Variants in EHD1 observed in about 807,000 individuals in gnomAD.
EHD1 encodes EH domain-containing protein 1.
In EHD1, 19 loss-of-function variants were observed where a neutral mutation model predicts 39.0. The observed-to-expected ratio is 0.49, with a 90% confidence interval of 0.34 to 0.72. The LOEUF (loss-of-function observed/expected upper bound fraction) is 0.72, where lower values mean the gene tolerates loss of function less well. EHD1 is among the 30% of genes least tolerant of loss of function. The pLI, the probability that EHD1 is intolerant of heterozygous loss-of-function variation, is 0.01. For missense variants in EHD1, 542 were observed against 751.5 expected (o/e 0.72, Z 3.26); for synonymous variants, 323 against 331.2 (o/e 0.98, Z 0.27).
intron 1 of EHD1, among the ~76,000 whole-genome samples, chr11:64,876,228 C>T (rs375477835): frequency 2.0e-5 from 3 of 152,180 alleles, no homozygotes; most frequent in Non-Finnish European, 2.9e-5. Flanking sequence ...GGGAGAAGGC[C>T]GGCAAGTCAA....
At position 64,854,764 on chromosome 11, in the gene EHD1, G is replaced by C; in HGVS notation, c.1174C>G (p.Arg392Gly). ...VDDMLANDIA[R>G]LMVMVRQEES... ...TCCTGCCGCACCATCACCATCAGCC[G>C]CGCGATGTCGTTGGCCAGCATGTCA... Residue 392 changes from arginine to glycine, a missense_variant, in exon 5 of 5, where the codon CGG becomes GGG. Coordinates refer to ENST00000320631, the MANE Select transcript of EHD1 (RefSeq NM_006795.4). 6.2e-7 allele frequency: 1 copy of C among 1,609,338 alleles called. No homozygotes were observed. The highest frequency in any genetic ancestry group is 8.5e-7 in the Non-Finnish European group (1 of 1,179,996).
intron 2 of EHD1, among the ~76,000 whole-genome samples, chr11:64,867,264 CA>C (rs1943777871): frequency 6.6e-6 from 1 of 151,466 alleles, no homozygotes; most frequent in Non-Finnish European, 1.5e-5. Flanking sequence ...ACTAAAAATA[CA>C]AAAATTAGCC....
intron 2 of EHD1, among the ~76,000 whole-genome samples, chr11:64,870,315 G>A (rs888302056): frequency 7.2e-5 from 11 of 152,172 alleles, no homozygotes; most frequent in African/African-American, 2.4e-4. Context: ...TCTCAGCTCC[G>A]CCGCAGTAGG....
Position 64,854,591 on chromosome 11 carries a change from G to A in EHD1, c.1347C>T (p.Asp449=), listed in dbSNP as rs1008067847. 34 of 1,613,990 alleles carry A rather than the reference G, an allele frequency of 2.1e-5. No individual in the cohort carries two copies. The highest frequency in any genetic ancestry group is 1.9e-4 in the South Asian group (17 of 91,090). ...WVVGKDKPTY[D]EIFYTLSPVN... ...CAGGGGACAGCGTGTAGAAGATCTC[G>A]TCGTAGGTGGGCTTGTCCTTGCCCA... Residue 449 remains aspartate, a synonymous_variant, in exon 5 of 5, where the codon GAC becomes GAT. Transcript: ENST00000320631.
chr11:64,855,080 C>A, intron 4 of EHD1: 2 of 828,030 alleles, frequency 2.4e-6, no homozygotes, highest in South Asian at 1.8e-5. Context: ...GGACAGGGCA[C>A]CAGAGCGCCT....
rs530795705 is a variant in EHD1 at position 64,868,853 on chromosome 11, G to A, written c.502+5568C>T. Among the ~76,000 whole-genome samples the A allele has an allele frequency of 6.6e-6, 1 of 152,274 alleles. No individual in the cohort carries two copies. The highest frequency in any genetic ancestry group is 1.9e-4 in the East Asian group (1 of 5,180). On this transcript the variant is annotated intron_variant, in intron 2 of 4. Coordinates refer to ENST00000320631, the MANE Select transcript of EHD1 (RefSeq NM_006795.4). The surrounding 1 kb of genome is among the most constrained non-coding windows in gnomAD (Gnocchi z 4.2). ...GGGGGCAGAGGAACTCTGGAATCAG[G>A]CCCACATTTCCATCCTGAACCTTCT...
chr11:64,877,436 A>C (rs1417388781), intron 1 of EHD1, among the ~76,000 whole-genome samples: 5 of 151,670 alleles, frequency 3.3e-5, no homozygotes, highest in South Asian at 2.1e-4. Flanking sequence ...GCTTCCTGAA[A>C]CCCCTCAGGG....
chr11:64,858,001 T>C (rs979789814), intron 3 of EHD1, among the ~76,000 whole-genome samples: 2 of 149,638 alleles, frequency 1.3e-5, no homozygotes, highest in Non-Finnish European at 3.0e-5. Context: ...CTGGCTGGCC[T>C]GGAGATAGGA....
At chr11:64,861,835 A>T (rs1224586882) in intron 2 of EHD1, among the ~76,000 whole-genome samples, 1 of 152,214 alleles carries the variant, frequency 6.6e-6, no homozygotes, top group African/African-American at 2.4e-5. Context: ...CTGGGTCTTA[A>T]ACACTTCTCC....
At chr11:64,870,533 C>T (rs1592752389) in intron 2 of EHD1, among the ~76,000 whole-genome samples, 1 of 152,254 alleles carries the variant, frequency 6.6e-6, no homozygotes, top group Non-Finnish European at 1.5e-5. Context: ...CTGGCCAGGT[C>T]TCTGATCTGC....
At chr11:64,876,776 T>C (rs889146798) in intron 1 of EHD1, among the ~76,000 whole-genome samples, 2 of 152,202 alleles carry the variant, frequency 1.3e-5, no homozygotes, top group African/African-American at 2.4e-5. Context: ...AGGTGTGCCC[T>C]CACAAGGAAA....
chr11:64,857,646 G>C (rs965376807), intron 3 of EHD1, among the ~76,000 whole-genome samples: 8 of 152,132 alleles, frequency 5.3e-5, no homozygotes, highest in Non-Finnish European at 1.0e-4. Flanking sequence ...TCACTGCTCA[G>C]ACCAGGTAGC....
rs778347400 is a variant in EHD1, at chr11:64,860,092, C to T, written c.747G>A (p.Val249=). Residue 249 remains valine (V), a synonymous_variant, in exon 3 of 5, where the codon GTG becomes GTA. Transcript: ENST00000320631. ...SLGKIINTPE[V]VRVYIGSFWS... ...AGAAGGAGCCGATGTAGACCCTGAC[C>T]ACCTCGGGGGTGTTGATGATCTTGC... The T allele has an allele frequency of 3.1e-6, 5 of 1,614,184 alleles. No individual in the cohort carries two copies. Among genetic ancestry groups the T allele is most frequent in the Non-Finnish European group, 4.2e-6 (5 of 1,180,040 alleles).
chr11:64,862,156 C>T (rs937609677), intron 2 of EHD1, among the ~76,000 whole-genome samples: 1 of 152,208 alleles, frequency 6.6e-6, no homozygotes, highest in Admixed American at 6.5e-5. Context: ...ATTCTCCCGC[C>T]TTGGCCTCCC....
intron 2 of EHD1, among the ~76,000 whole-genome samples, chr11:64,863,364 C>T (rs1943734566): frequency 6.6e-6 from 1 of 152,186 alleles, no homozygotes; most frequent in Non-Finnish European, 1.5e-5. Flanking sequence ...AAGGACAAAG[C>T]GTTAAGGAAA....
upstream of EHD1, chr11:64,879,465 T>C: frequency 7.7e-7 from 1 of 1,295,446 alleles, no homozygotes; most frequent in Non-Finnish European, 1.1e-6. Flanking sequence ...AAATTCCCTA[T>C]GTGGGGAAGA....
rs1328777447 is a variant in EHD1 at position 64,859,822 on chromosome 11, G to A, written c.915+102C>T. On this transcript the variant is annotated intron_variant, in intron 3 of 4. Coordinates refer to ENST00000320631, the MANE Select transcript of EHD1 (RefSeq NM_006795.4). ...CGCAGTGCAGGTCTGCCTGTGAAGTGAGCTGGGAAGGGTCTCGGGCAATCC... is the reference window on the plus strand; with the variant it reads ...CGCAGTGCAGGTCTGCCTGTGAAGTAAGCTGGGAAGGGTCTCGGGCAATCC... 7 of 1,457,018 alleles carry A rather than the reference G, an allele frequency of 4.8e-6. No homozygotes were observed. In the Admixed American group the frequency reaches 1.8e-4, roughly 36 times the overall value. The allele number at this position is 1,457,018 out of a possible 1,614,324, so 90.3% of individuals were successfully genotyped here. A position where few individuals can be genotyped will look rare whatever the true frequency, so the allele number is the denominator to read the frequency against.
At chr11:64,876,461 T>C (rs1295303253) in intron 1 of EHD1, among the ~76,000 whole-genome samples, 1 of 152,248 alleles carries the variant, frequency 6.6e-6, no homozygotes, top group Non-Finnish European at 1.5e-5. Context: ...AATAAACGTG[T>C]GCCACCTCTC....
intron 2 of EHD1, among the ~76,000 whole-genome samples, chr11:64,870,513 A>C (rs1943816759): frequency 6.6e-6 from 1 of 152,268 alleles, no homozygotes. Flanking sequence ...GCAGAAAGTC[A>C]GACACAAAGC....
Sources: allele counts gnomAD v4.1 joint callset (sites outside exome capture counted in the v4.1 genomes callset), GRCh38; gene constraint gnomAD v4.1.1; non-coding constraint Gnocchi (gnomAD v3.1); transcripts MANE v1.5; gene names NCBI Gene and HGNC (gene_info 2026-07-23, HGNC 2026-07-21).